The following ALS2 variants were observed in gnomAD, a reference collection of about 807,000 sequenced individuals.
The protein encoded by ALS2 is alsin.
A neutral mutation model predicts 203.4 loss-of-function variants in ALS2; 117 were observed. The observed-to-expected ratio is 0.58, with a 90% confidence interval of 0.50 to 0.67. The LOEUF (loss-of-function observed/expected upper bound fraction) is 0.67, where lower values mean the gene tolerates loss of function less well. ALS2 is among the 30% of genes least tolerant of loss of function. The pLI, the probability that ALS2 is intolerant of heterozygous loss-of-function variation, is 0.00. For missense variants in ALS2, 1,715 were observed against 1,989.4 expected (o/e 0.86, Z 2.62); for synonymous variants, 718 against 725.9 (o/e 0.99, Z 0.17).
intron 25 of ALS2, 52 bp downstream of exon 25, chr2:201,715,620 A>C (rs909571343): frequency 5.0e-6 from 8 of 1,604,044 alleles, no homozygotes; most frequent in Non-Finnish European, 6.8e-6. Context: ...ACTGGTCTTA[A>C]GTTTCATCTT....
rs1693771418 is a variant in ALS2 at position 201,761,578 on chromosome 2, A to G, written c.416T>C (p.Ile139Thr). Residue 139 changes from isoleucine to threonine, a missense_variant, in exon 4 of 34, where the codon ATT (isoleucine) becomes ACT (threonine). Ile to Thr is a moderately conservative substitution (Grantham distance 89, BLOSUM62 -1). Coordinates refer to ENST00000264276, the MANE Select transcript of ALS2 (RefSeq NM_020919.4). ...QYVPEPNPVSIADSEASPLLA... is the reference protein window; with the variant it reads ...QYVPEPNPVSTADSEASPLLA... Reference sequence around the variant, plus strand: ...CAAAGGGCTGGCCTCAGAATCAGCAATGCTGACAGGATTTGGTTCCGGCAC... The same window carrying G: ...CAAAGGGCTGGCCTCAGAATCAGCAGTGCTGACAGGATTTGGTTCCGGCAC... 6.2e-7 allele frequency: 1 copy of G among 1,614,104 alleles called. No homozygotes were observed. The highest frequency in any genetic ancestry group is 1.3e-5 in the African/African-American group (1 of 74,946).
intron 16 of ALS2, 21 bp downstream of exon 16, chr2:201,727,684 G>C (rs894312194): frequency 5.2e-6 from 8 of 1,546,942 alleles, no homozygotes; most frequent in Middle Eastern, 3.4e-4. Flanking sequence ...GGGGTGGGGT[G>C]GGGAGGGGGG....
At chr2:201,752,361 A>G (rs1693117273) in intron 7 of ALS2, among the ~76,000 whole-genome samples, 1 of 152,082 alleles carries the variant, frequency 6.6e-6, no homozygotes, top group Admixed American at 6.6e-5. Flanking sequence ...TTGTTTTATT[A>G]TATGTATATA....
At chr2:201,718,303 A>T in intron 23 of ALS2, 93 bp from the exon 24 acceptor site, 1 of 1,400,936 alleles carries the variant, frequency 7.1e-7, no homozygotes, top group Non-Finnish European at 1.0e-6. Flanking sequence ...TCTGTTGCCC[A>T]GGCTGGAGTG....
chr2:201,756,152 T>C (rs1002397996), intron 5 of ALS2, among the ~76,000 whole-genome samples: 1 of 152,122 alleles, frequency 6.6e-6, no homozygotes, highest in African/African-American at 2.4e-5. Flanking sequence ...TGTAATGATA[T>C]GAAAAAATAT....
chr2:201,757,156 A>G (rs1335199696), intron 5 of ALS2, among the ~76,000 whole-genome samples: 1 of 152,226 alleles, frequency 6.6e-6, no homozygotes, highest in African/African-American at 2.4e-5. Flanking sequence ...AGAACAATAA[A>G]ATAAGATTCA....
At chr2:201,771,032 G>C (rs893434699) in intron 1 of ALS2, among the ~76,000 whole-genome samples, 2 of 144,564 alleles carry the variant, frequency 1.4e-5, no homozygotes, top group African/African-American at 5.1e-5. Context: ...TTTTACATCA[G>C]TATTTACAGA....
chr2:201,747,608 G>A (rs368028129), intron 8 of ALS2, among the ~76,000 whole-genome samples: 2 of 151,866 alleles, frequency 1.3e-5, no homozygotes, highest in Non-Finnish European at 2.9e-5. Flanking sequence ...CCGCTACCAC[G>A]CCCGGCTAAT....
At chr2:201,713,631 T>G (rs1211469681) in intron 25 of ALS2, among the ~76,000 whole-genome samples, 1 of 152,246 alleles carries the variant, frequency 6.6e-6, no homozygotes, top group African/African-American at 2.4e-5. Flanking sequence ...TTTCGGTTAG[T>G]GCAGTTTTCA....
Position 201,711,068 on chromosome 2 carries a change from T to A in ALS2, c.4045A>T (p.Ser1349Cys). 1 of 1,612,322 alleles carries A rather than the reference T, an allele frequency of 6.2e-7. No individual in the cohort carries two copies. The highest frequency in any genetic ancestry group is 8.5e-7 in the Non-Finnish European group (1 of 1,178,598). ...ACATGCTGTGGAATGAATTCCAAACTCTCTAGTGTCTGAGTCTGTGAACGA... is the reference window on the plus strand; with the variant it reads ...ACATGCTGTGGAATGAATTCCAAACACTCTAGTGTCTGAGTCTGTGAACGA... Reference protein sequence around the residue: ...LSRSQTQTLESLEFIPQHVGA... With the variant: ...LSRSQTQTLECLEFIPQHVGA... Residue 1349 changes from serine to cysteine, a missense_variant, in exon 26 of 34, where the codon AGT becomes TGT. Transcript: ENST00000264276.
intron 13 of ALS2, among the ~76,000 whole-genome samples, chr2:201,729,616 C>T (rs1691419144): frequency 6.6e-6 from 1 of 152,086 alleles, no homozygotes; most frequent in African/African-American, 2.4e-5. Context: ...CGCGGTGGCT[C>T]ACACCTGTAA....
chr2:201,754,119 TCTC>T (rs1189184607), intron 6 of ALS2, among the ~76,000 whole-genome samples: 1 of 152,032 alleles, frequency 6.6e-6, no homozygotes, highest in African/African-American at 2.4e-5. Context: ...TTCAAGCGAT[TCTC>T]CTGCCTCAGC....
At position 201,754,497 on chromosome 2, in the gene ALS2, G is replaced by A. The variant is rs748152764; in HGVS notation, c.1640+6C>T. 8.1e-6 allele frequency: 13 copies of A among 1,613,832 alleles called. 1 individual carries two copies. Among genetic ancestry groups the A allele is most frequent in the East Asian group, 6.7e-5 (3 of 44,884 alleles). ...ACTTCTATCGGTAAATGTTGGTAGC[G>A]CTTACCTAGGCAGAACATCGCCGTG... On this transcript the variant is annotated splice_donor_region_variant and intron_variant, in intron 6 of 33. Transcript: ENST00000264276.
At chr2:201,772,523 C>T (rs1694442903) in intron 1 of ALS2, among the ~76,000 whole-genome samples, 1 of 152,142 alleles carries the variant, frequency 6.6e-6, no homozygotes, top group Admixed American at 6.5e-5. Flanking sequence ...AATATTCATA[C>T]ATCGTGTTGT....
chr2:201,742,173 T>C (rs1207429007), intron 10 of ALS2, among the ~76,000 whole-genome samples: 2 of 152,224 alleles, frequency 1.3e-5, no homozygotes, highest in South Asian at 2.1e-4. Context: ...TCTGGTCATT[T>C]TGAAGATAAG....
At chr2:201,764,942 G>A (rs1694000952) in intron 3 of ALS2, among the ~76,000 whole-genome samples, 1 of 151,764 alleles carries the variant, frequency 6.6e-6, no homozygotes, top group East Asian at 1.9e-4. Flanking sequence ...TTTTCCTTCA[G>A]TTGTCCTAGC....
chr2:201,723,015 A>C, intron 23 of ALS2, 28 bp downstream of exon 23: 1 of 1,509,432 alleles, frequency 6.6e-7, no homozygotes, highest in Non-Finnish European at 9.1e-7. Flanking sequence ...TTTATTAGGG[A>C]GAAAAAAAAA....
chr2:201,725,525 T>C (rs1192572937), intron 19 of ALS2, 71 bp from the exon 20 acceptor site: 3 of 1,219,984 alleles, frequency 2.5e-6, no homozygotes, highest in Non-Finnish European at 3.6e-6. Context: ...ATGTATATCC[T>C]GGTAAACATT....
At chr2:201,721,284 A>C (rs1198706695) in intron 23 of ALS2, among the ~76,000 whole-genome samples, 1 of 152,214 alleles carries the variant, frequency 6.6e-6, no homozygotes, top group African/African-American at 2.4e-5. Flanking sequence ...AATCTTAGCA[A>C]GGTTTATTGC....
Sources: allele counts gnomAD v4.1 joint callset (sites outside exome capture counted in the v4.1 genomes callset), GRCh38; gene constraint gnomAD v4.1.1; transcripts MANE v1.5; gene names NCBI Gene and HGNC (gene_info 2026-07-23, HGNC 2026-07-21).